Variants in THUMPD2 observed in about 807,000 individuals in gnomAD.
THUMPD2 encodes U6 snRNA (guanine-N(2))-methyltransferase THUMPD2.
A neutral mutation model predicts 49.4 loss-of-function variants in THUMPD2; 56 were observed. The observed-to-expected ratio is 1.13, with a 90% CI of 0.91 to 1.41. THUMPD2 has a LOEUF of 1.41. Ranked by LOEUF, THUMPD2 falls within the 40% of genes most tolerant of loss-of-function variation. The pLI, the probability that THUMPD2 is intolerant of heterozygous loss-of-function variation, is 0.00. For missense variants in THUMPD2, 709 were observed against 594.5 expected (o/e 1.19, Z -2.00); for synonymous variants, 237 against 205.2 (o/e 1.15, Z -1.32).
chr2:39,772,310 G>A (rs976250277), intron 1 of THUMPD2, among the ~76,000 whole-genome samples: 5 of 152,186 alleles, frequency 3.3e-5, no homozygotes, highest in African/African-American at 1.2e-4. Context: ...AAATGGTCAT[G>A]AAATTTTGAG....
At chr2:39,767,918 A>T (rs1422611975) in intron 4 of THUMPD2, among the ~76,000 whole-genome samples, 1 of 152,164 alleles carries the variant, frequency 6.6e-6, no homozygotes, top group East Asian at 1.9e-4. Context: ...AAAAAATAGC[A>T]AAGAATATTT....
intron 8 of THUMPD2, among the ~76,000 whole-genome samples, chr2:39,746,501 T>A (rs952506086): frequency 1.3e-5 from 2 of 152,220 alleles, no homozygotes; most frequent in African/African-American, 4.8e-5. Context: ...TCTTTTAAAT[T>A]ATTAGATGCT....
chr2:39,742,568 T>C (rs577261491), intron 9 of THUMPD2, among the ~76,000 whole-genome samples: 1 of 152,302 alleles, frequency 6.6e-6, no homozygotes, highest in African/African-American at 2.4e-5. Flanking sequence ...GATTTTCAGT[T>C]AGAGTAAGCC....
chr2:39,738,672 T>C (rs1430845002), intron 9 of THUMPD2, among the ~76,000 whole-genome samples: 1 of 147,570 alleles, frequency 6.8e-6, no homozygotes, highest in Non-Finnish European at 1.5e-5. Context: ...ATTATATGTA[T>C]ATATACACAT....
chr2:39,740,850 T>C (rs983754917), intron 9 of THUMPD2, among the ~76,000 whole-genome samples: 1 of 151,982 alleles, frequency 6.6e-6, no homozygotes, highest in African/African-American at 2.4e-5. Flanking sequence ...GGACTGAAGG[T>C]GCATGCCACC....
chr2:39,767,854 A>G (rs530570741), intron 4 of THUMPD2, among the ~76,000 whole-genome samples: 116 of 152,276 alleles, frequency 7.6e-4, no homozygotes, highest in African/African-American at 2.6e-3. Context: ...AAATTTATGA[A>G]TTAATGAATC....
intron 6 of THUMPD2, among the ~76,000 whole-genome samples, chr2:39,756,472 CA>C (rs11311927): frequency 0.085 from 8,652 of 101,918 alleles, 709 homozygotes; most frequent in African/African-American, 0.24. Context: ...GACTCCATCT[CA>C]AAAAAAAAAA....
Position 39,769,811 on chromosome 2 carries a change from T to A in THUMPD2, c.571A>T (p.Asn191Tyr). ...SEKFQEEEFQ[N>Y]DIEKAIDTHN... ...GTATCAATTGCTTTCTCTATGTCAT[T>A]CTGAAATTCTTCTTCTTGAAACTTT... Residue 191 changes from asparagine to tyrosine, a missense_variant, in exon 3 of 10, where the codon AAT (asparagine) becomes TAT (tyrosine). Asn to Tyr is a moderately radical substitution (Grantham distance 143). Coordinates refer to ENST00000505747, the MANE Select transcript of THUMPD2 (RefSeq NM_025264.5). 1 of 1,611,646 alleles carries A rather than the reference T, an allele frequency of 6.2e-7. No individual in the cohort carries two copies. The highest frequency in any genetic ancestry group is 1.1e-5 in the South Asian group (1 of 90,472).
chr2:39,766,230 T>C (rs1677499309), intron 4 of THUMPD2, 121 bp from the exon 5 acceptor site: 1 of 600,598 alleles, frequency 1.7e-6, no homozygotes, highest in Non-Finnish European at 2.8e-6. Context: ...CTCCAAGGCC[T>C]TATTCATCAT....
intron 9 of THUMPD2, among the ~76,000 whole-genome samples, chr2:39,741,405 G>A (rs1673881557): frequency 6.6e-6 from 1 of 152,140 alleles, no homozygotes; most frequent in African/African-American, 2.4e-5. Context: ...ACATGATGTG[G>A]TCTCCTTTTC....
At chr2:39,756,635 T>C (rs1676166283) in intron 6 of THUMPD2, among the ~76,000 whole-genome samples, 1 of 151,922 alleles carries the variant, frequency 6.6e-6, no homozygotes, top group Non-Finnish European at 1.5e-5. Flanking sequence ...GCAGAGGAAG[T>C]GAACAGGAAA....
intron 9 of THUMPD2, among the ~76,000 whole-genome samples, chr2:39,741,717 C>T (rs1256537696): frequency 6.6e-6 from 1 of 152,138 alleles, no homozygotes; most frequent in Non-Finnish European, 1.5e-5. Flanking sequence ...GATTGCATGT[C>T]CTTTCTCGAA....
At chr2:39,774,657 C>T (rs114182327) in intron 1 of THUMPD2, among the ~76,000 whole-genome samples, 2,539 of 152,242 alleles carry the variant, frequency 0.017, 35 homozygotes, top group Non-Finnish European at 0.027. Flanking sequence ...GTGCTTATGA[C>T]TTCAAAAACT....
At chr2:39,748,811 AT>A (rs890227043) in intron 8 of THUMPD2, among the ~76,000 whole-genome samples, 1 of 151,902 alleles carries the variant, frequency 6.6e-6, no homozygotes, top group Non-Finnish European at 1.5e-5. Context: ...CCCCATCTCT[AT>A]TTTTTTAAAA....
chr2:39,778,030 C>G (rs1481471647), intron 1 of THUMPD2, among the ~76,000 whole-genome samples: 1 of 152,172 alleles, frequency 6.6e-6, no homozygotes, highest in East Asian at 1.9e-4. Context: ...GATTTCCCAG[C>G]TCGGGTTTGA....
At chr2:39,762,131 T>C (rs1481400573) in intron 5 of THUMPD2, among the ~76,000 whole-genome samples, 1 of 152,180 alleles carries the variant, frequency 6.6e-6, no homozygotes, top group Admixed American at 6.6e-5. Context: ...AGAATCTCCT[T>C]GGAAATTACA....
At chr2:39,756,036 G>C in intron 6 of THUMPD2, 76 bp from the exon 7 acceptor site, 3 of 1,321,216 alleles carry the variant, frequency 2.3e-6, no homozygotes, top group Non-Finnish European at 3.2e-6. Context: ...AAAACTTGAG[G>C]AATCAATATT....
In THUMPD2 at chr2:39,771,759, A is replaced by C. The variant is rs143970257; in HGVS notation, c.127-119T>G. 9 of 1,060,644 alleles carry C rather than the reference A, an allele frequency of 8.5e-6. No individual in the cohort carries two copies. The African/African-American group carries it at 1.5e-4, about 17-fold the overall frequency. 65.7% of individuals were successfully genotyped at this position (1,060,644 alleles called of 1,614,324 possible). On this transcript the variant is annotated intron_variant, in intron 1 of 9. Coordinates refer to ENST00000505747, the MANE Select transcript of THUMPD2 (RefSeq NM_025264.5). ...AATAACCATTTCTGAAGTATCTACT[A>C]TTTGTCAGGCTCTGTACTAGGAACA...
At chr2:39,768,362 A>T in intron 4 of THUMPD2, 62 bp downstream of exon 4, 1 of 1,341,334 alleles carries the variant, frequency 7.5e-7, no homozygotes, top group Non-Finnish European at 1.1e-6. Context: ...TGATAAGAAT[A>T]CAGGACACTG....
Sources: allele counts gnomAD v4.1 joint callset (sites outside exome capture counted in the v4.1 genomes callset), GRCh38; gene constraint gnomAD v4.1.1; transcripts MANE v1.5; gene names NCBI Gene and HGNC (gene_info 2026-07-23, HGNC 2026-07-21).